WDR11: variants seen among roughly 807,000 people sequenced by gnomAD.
The protein encoded by WDR11 is WD repeat domain 11.
In WDR11, 83 loss-of-function variants were observed where a neutral mutation model predicts 151.2. The observed-to-expected ratio is 0.55, with a 90% confidence interval of 0.46 to 0.66. The LOEUF (loss-of-function observed/expected upper bound fraction) is 0.66, where lower values mean the gene tolerates loss of function less well. Among genes scored for constraint, WDR11 ranks in the 30% least tolerant of loss-of-function variants. WDR11 has a pLI of 0.00. For synonymous variants in WDR11, 484 were observed against 533.1 expected (o/e 0.91, Z 1.27); for missense variants, 1,301 against 1,480.9 (o/e 0.88, Z 1.99).
rs1335349956 is a variant in WDR11, at chr10:120,890,811, A to AGATGATG, written c.2441_2447dup (p.Cys817Ter). On this transcript the variant is annotated frameshift_variant, in exon 19 of 29. Transcript: ENST00000263461. LOFTEE classifies it high-confidence loss of function. ...CGTCAGATAAAGTGATCTTGGCCTC[A>AGATGATG]GATGATGGGTGCATCAGAGTCCTAG... The AGATGATG allele has an allele frequency of 2.5e-6, 4 of 1,614,064 alleles. No individual in the cohort carries two copies. In the African/African-American group the frequency reaches 5.3e-5, roughly 22 times the overall value.
intron 25 of WDR11, 113 bp downstream of exon 25, chr10:120,904,924 T>C (rs1590122723): frequency 4.0e-6 from 5 of 1,245,716 alleles, no homozygotes; most frequent in East Asian, 4.7e-5. Context: ...TGAAGAAAAA[T>C]AGAAAAATTA....
intron 19 of WDR11, among the ~76,000 whole-genome samples, chr10:120,896,512 A>G (rs1847620582): frequency 6.6e-6 from 1 of 152,214 alleles, no homozygotes; most frequent in Admixed American, 6.5e-5. Flanking sequence ...TGTAACAACA[A>G]TATTGGTAAC....
intron 2 of WDR11, among the ~76,000 whole-genome samples, chr10:120,854,023 A>T (rs1184793919): frequency 3.3e-5 from 5 of 152,154 alleles, no homozygotes; most frequent in South Asian, 2.1e-4. Flanking sequence ...TTTCTTTTTT[A>T]AATAATAGCT....
chr10:120,903,925 TTATC>T (rs1847935409), intron 23 of WDR11, 118 bp from the exon 24 acceptor site: 2 of 671,290 alleles, frequency 3.0e-6, no homozygotes, highest in South Asian at 1.8e-5. Context: ...GTAAAGTTGA[TTATC>T]TAGTAACCTG....
Position 120,862,906 on chromosome 10 carries a change from C to T in WDR11, c.698C>T (p.Thr233Ile). The change falls in exon 5 of 29, where the codon ACT becomes ATT. Residue 233 changes from threonine (T) to isoleucine (I), a missense_variant. This residue lies in a region of WDR11 where 692 missense variants were observed against 762.5 expected (regional missense o/e 0.91). Coordinates refer to ENST00000263461, the MANE Select transcript of WDR11 (RefSeq NM_018117.12). ...KALNKVKILI[T>I]QEKPSAEFIT... The stretch of plus-strand genomic sequence containing the variant: ...CTAAATAAAGTAAAAATTTTAATCA[C>T]TCAAGAGAAACCTAGGTAAGTTACA... 2 of 1,610,804 alleles carry T rather than the reference C, an allele frequency of 1.2e-6. No homozygotes were observed. The highest frequency in any genetic ancestry group is 1.7e-6 in the Non-Finnish European group (2 of 1,177,060).
chr10:120,851,483 C>T lies in WDR11; in HGVS notation c.63C>T (p.Ala21=), dbSNP rs766515341. The T allele has an allele frequency of 1.2e-6, 2 of 1,612,164 alleles. No individual in the cohort carries two copies. The highest frequency in any genetic ancestry group is 2.2e-5 in the East Asian group (1 of 44,836). ...SARTLTGALN[A]HNKAAVDWGW... ...GCACCCTCACGGGGGCCCTCAACGC[C>T]CACAACAAGGCGGCGGTGGACTGGT... The change falls in exon 1 of 29, where the codon GCC becomes GCT. Residue 21 remains alanine, a synonymous_variant. Coordinates refer to ENST00000263461, the MANE Select transcript of WDR11 (RefSeq NM_018117.12).
In WDR11 at chr10:120,902,244, A is replaced by G. The variant is rs200294460; in HGVS notation, c.2688-13A>G. On this transcript the variant is annotated splice_polypyrimidine_tract_variant and intron_variant, in intron 21 of 28. Transcript: ENST00000263461. ...AAACTTTTGTCTCACTTTTGTCCGG[A>G]TTTCTTCCACAGTGACATAAAGAAA... 1.9e-6 allele frequency: 3 copies of G among 1,613,734 alleles called. No homozygotes were observed. In the African/African-American group the frequency reaches 4.0e-5, roughly 22 times the overall value.
At chr10:120,874,185 T>TTTG (rs1554854821) in intron 11 of WDR11, among the ~76,000 whole-genome samples, 1 of 64,444 alleles carries the variant, frequency 1.6e-5, no homozygotes, top group Non-Finnish European at 3.6e-5. Flanking sequence ...AGTTTTTTTT[T>TTTG]TTTTTTTGTT....
chr10:120,900,951 A>G (rs1017448859), intron 20 of WDR11, 85 bp from the exon 21 acceptor site: 3 of 982,134 alleles, frequency 3.1e-6, no homozygotes, highest in South Asian at 1.3e-5. Context: ...GGTTATCTCT[A>G]TATTAACACA....
chr10:120,888,021 C>T (rs561574708), intron 16 of WDR11, among the ~76,000 whole-genome samples: 13 of 152,106 alleles, frequency 8.5e-5, no homozygotes, highest in South Asian at 6.2e-4. Flanking sequence ...AGAGTTTTTA[C>T]GGTATTCAGT....
chr10:120,861,820 A>C (rs1350877721), intron 4 of WDR11, among the ~76,000 whole-genome samples: 1 of 152,136 alleles, frequency 6.6e-6, no homozygotes, highest in African/African-American at 2.4e-5. Flanking sequence ...AAAAGGCATA[A>C]TTTGTATTGC....
At chr10:120,900,475 A>G (rs1847775328) in intron 20 of WDR11, among the ~76,000 whole-genome samples, 1 of 152,228 alleles carries the variant, frequency 6.6e-6, no homozygotes, top group South Asian at 2.1e-4. Flanking sequence ...TCTTTTTAAA[A>G]GCAGCATCAT....
At chr10:120,894,714 T>TAA (rs1488835113) in intron 19 of WDR11, among the ~76,000 whole-genome samples, 5 of 152,230 alleles carry the variant, frequency 3.3e-5, no homozygotes, top group Non-Finnish European at 7.3e-5. Context: ...ACCTGGGTGT[T>TAA]ATGATTCATA....
chr10:120,906,754 C>G (rs1564727570), intron 27 of WDR11, 22 bp from the exon 28 acceptor site: 1 of 1,613,860 alleles, frequency 6.2e-7, no homozygotes, highest in Admixed American at 1.7e-5. Flanking sequence ...AAGCATAACT[C>G]TTGTTTTGTT....
intron 3 of WDR11, 84 bp downstream of exon 3, chr10:120,858,880 T>C (rs1432743843): frequency 3.3e-6 from 5 of 1,510,318 alleles, no homozygotes; most frequent in Non-Finnish European, 4.6e-6. Context: ...TTTTCCCCCA[T>C]TCATTTAATT....
chr10:120,867,903 T>C lies in WDR11; in HGVS notation c.1294+734T>C, dbSNP rs149099525. ...AAAATCATTTTTGGAGATAAAGTGT[T>C]CAAAGTTATTTAATTATGAGGCCAG... On this transcript the variant is annotated intron_variant, in intron 9 of 28. Transcript: ENST00000263461. Among the ~76,000 whole-genome samples the C allele has an allele frequency of 8.4e-4, 128 of 152,340 alleles. 1 individual carries two copies. Among genetic ancestry groups the C allele is most frequent in the African/African-American group, 2.8e-3 (117 of 41,578 alleles).
intron 19 of WDR11, among the ~76,000 whole-genome samples, chr10:120,895,669 A>G (rs1370202274): frequency 2.0e-5 from 3 of 152,218 alleles, no homozygotes; most frequent in African/African-American, 4.8e-5. Context: ...ATGCTTCAAC[A>G]TATGAAATGA....
chr10:120,877,057 C>T lies in WDR11; in HGVS notation c.1557-1296C>T, dbSNP rs1003698602. Reference sequence around the variant, plus strand: ...TCACACATGCTTCTGAAAAATCAAACATGTTGTCTTTTCAAACACAGAAAG... The same window carrying T: ...TCACACATGCTTCTGAAAAATCAAATATGTTGTCTTTTCAAACACAGAAAG... On this transcript the variant is annotated intron_variant, in intron 11 of 28. Coordinates refer to ENST00000263461, the MANE Select transcript of WDR11 (RefSeq NM_018117.12). Among the ~76,000 whole-genome samples, 17 of 152,184 alleles carry T rather than the reference C, an allele frequency of 1.1e-4. 1 individual carries two copies. Among genetic ancestry groups the T allele is most frequent in the Admixed American group, 3.9e-4 (6 of 15,280 alleles).
intron 4 of WDR11, among the ~76,000 whole-genome samples, chr10:120,861,082 G>C (rs1590059225): frequency 6.6e-6 from 1 of 152,204 alleles, no homozygotes; most frequent in East Asian, 1.9e-4. Flanking sequence ...GGGCATGCAA[G>C]TTGTATGAGA....
Sources: gnomAD v4.1 joint callset for allele counts (sites outside exome capture counted in the v4.1 genomes callset) on GRCh38, gnomAD v4.1.1 for gene constraint, gnomAD v4.1.1 regional missense constraint, MANE v1.5 for transcripts, NCBI Gene and HGNC (gene_info 2026-07-23, HGNC 2026-07-21) for gene names.